COG6: variants seen among roughly 807,000 people sequenced by gnomAD.
The protein encoded by COG6 is component of oligomeric golgi complex 6, also known as conserved oligomeric Golgi complex subunit 6.
In COG6, 74 loss-of-function variants were observed where a neutral mutation model predicts 88.8. That is an observed-to-expected ratio of 0.83 (90% CI 0.69 to 1.01). The LOEUF (loss-of-function observed/expected upper bound fraction) is 1.01. Among genes scored for constraint, COG6 ranks in the 50% least tolerant of loss-of-function variants. The pLI is 0.00. For synonymous variants in COG6, 286 were observed against 278.7 expected (o/e 1.03, Z -0.26); for missense variants, 800 against 797.9 (o/e 1.00, Z -0.03).
intron 18 of COG6, among the ~76,000 whole-genome samples, chr13:39,765,008 TTA>T (rs1342333695): frequency 6.6e-5 from 10 of 152,186 alleles, no homozygotes; most frequent in Admixed American, 6.5e-4. Context: ...AGTTTTTGCT[TTA>T]TATGTTTTTA....
chr13:39,787,416 A>G (rs1881808502), intron 18 of COG6, among the ~76,000 whole-genome samples: 1 of 151,800 alleles, frequency 6.6e-6, no homozygotes, highest in Admixed American at 6.6e-5. Context: ...GTATTAACTC[A>G]CCCTACAACC....
chr13:39,785,163 G>T (rs1222117367), intron 18 of COG6, among the ~76,000 whole-genome samples: 1 of 152,186 alleles, frequency 6.6e-6, no homozygotes, highest in Admixed American at 6.5e-5. Flanking sequence ...AGCAATGAAG[G>T]TCATCAAAAG....
intron 13 of COG6, among the ~76,000 whole-genome samples, chr13:39,717,421 T>C (rs980593730): frequency 6.6e-5 from 10 of 152,154 alleles, no homozygotes; most frequent in African/African-American, 2.2e-4. Flanking sequence ...GTTCTTTCCT[T>C]CTGGGCTTCC....
intron 13 of COG6, among the ~76,000 whole-genome samples, chr13:39,706,279 T>TATATATATATATATATA (rs1877917992): frequency 3.9e-5 from 2 of 51,298 alleles, no homozygotes; most frequent in African/African-American, 1.2e-4. Context: ...ATATATATAT[T>TATATATATATATATATA]TAAATATATA....
chr13:39,707,191 A>G (rs896497482), intron 13 of COG6, among the ~76,000 whole-genome samples: 2 of 150,368 alleles, frequency 1.3e-5, no homozygotes, highest in African/African-American at 2.4e-5. Flanking sequence ...GTAATGCACA[A>G]TCTCTCTGCT....
intron 1 of COG6, among the ~76,000 whole-genome samples, chr13:39,658,847 T>G (rs1036914168): frequency 1.3e-5 from 2 of 152,216 alleles, no homozygotes; most frequent in African/African-American, 4.8e-5. Flanking sequence ...GCCTGGAGGA[T>G]TCCAGTACTT....
chr13:39,754,554 T>G (rs1880771801), downstream of COG6, among the ~76,000 whole-genome samples: 1 of 152,210 alleles, frequency 6.6e-6, no homozygotes, highest in African/African-American at 2.4e-5. Flanking sequence ...ATTTTTCATA[T>G]ATGTTACATA....
At chr13:39,746,175 A>G (rs1880339941) in intron 18 of COG6, among the ~76,000 whole-genome samples, 2 of 151,954 alleles carry the variant, frequency 1.3e-5, no homozygotes, top group African/African-American at 4.8e-5. Flanking sequence ...TGGCACGTGT[A>G]TACCTATGTA....
chr13:39,694,944 C>A (rs1877182782), intron 12 of COG6, among the ~76,000 whole-genome samples: 1 of 131,594 alleles, frequency 7.6e-6, no homozygotes, highest in African/African-American at 2.9e-5. Flanking sequence ...TTTCTCCAAG[C>A]TTAACTACAC....
intron 13 of COG6, among the ~76,000 whole-genome samples, chr13:39,709,177 A>G (rs1263477731): frequency 6.6e-6 from 1 of 152,208 alleles, no homozygotes; most frequent in Non-Finnish European, 1.5e-5. Context: ...AACCTGCCCT[A>G]GGTCACATAG....
chr13:39,710,251 T>G (rs1478746142), intron 13 of COG6, among the ~76,000 whole-genome samples: 1 of 152,164 alleles, frequency 6.6e-6, no homozygotes, highest in African/African-American at 2.4e-5. Context: ...TTTTGATGCT[T>G]TTGAAACTTA....
chr13:39,694,078 T>C (rs978621364), intron 11 of COG6, among the ~76,000 whole-genome samples: 12 of 151,860 alleles, frequency 7.9e-5, no homozygotes, highest in Non-Finnish European at 1.2e-4. Flanking sequence ...TCCTAAATCT[T>C]GAGGCAAATC....
At chr13:39,761,655 C>A (rs1881018683) in intron 18 of COG6, among the ~76,000 whole-genome samples, 1 of 151,278 alleles carries the variant, frequency 6.6e-6, no homozygotes, top group Non-Finnish European at 1.5e-5. Flanking sequence ...TTAGAACATA[C>A]AAGGACCTCA....
At chr13:39,728,040 C>T (rs773394334) in intron 18 of COG6, among the ~76,000 whole-genome samples, 19 of 151,854 alleles carry the variant, frequency 1.3e-4, no homozygotes, top group South Asian at 4.2e-4. Flanking sequence ...TTAGAAGAAG[C>T]GGAGAGATTA....
Position 39,742,452 on chromosome 13 carries a change from T to A in COG6, c.1827-8494T>A, listed in dbSNP as rs573605072. On this transcript the variant is annotated intron_variant, in intron 18 of 18. Coordinates refer to ENST00000455146, the MANE Select transcript of COG6 (RefSeq NM_020751.3). Reference sequence around the variant, plus strand: ...AAACAAAAAAAGGCAGGGGTTGCAATCCTAGTCTCTGATAGAACAGACTTT... The same window carrying A: ...AAACAAAAAAAGGCAGGGGTTGCAAACCTAGTCTCTGATAGAACAGACTTT... Among the ~76,000 whole-genome samples the A allele has an allele frequency of 2.4e-3, 369 of 152,060 alleles. 1 individual carries two copies. The highest frequency in any genetic ancestry group is 0.016 in the South Asian group (76 of 4,800).
At chr13:39,782,638 C>T (rs1322993957) in intron 18 of COG6, among the ~76,000 whole-genome samples, 3 of 152,116 alleles carry the variant, frequency 2.0e-5, no homozygotes, top group Non-Finnish European at 4.4e-5. Context: ...TACACCTGTC[C>T]TTGAACATGA....
chr13:39,727,851 A>G (rs1408675443), intron 18 of COG6, among the ~76,000 whole-genome samples: 2 of 152,132 alleles, frequency 1.3e-5, no homozygotes, highest in Non-Finnish European at 2.9e-5. Context: ...ACATGTCAGA[A>G]TAATGTTGAA....
intron 18 of COG6, among the ~76,000 whole-genome samples, chr13:39,741,073 A>G (rs1880016564): frequency 6.6e-6 from 1 of 152,218 alleles, no homozygotes; most frequent in African/African-American, 2.4e-5. Context: ...TGATTTTTGG[A>G]AGTAAGCAGT....
intron 18 of COG6, among the ~76,000 whole-genome samples, chr13:39,734,030 GT>G (rs1300135491): frequency 1.3e-5 from 2 of 151,934 alleles, no homozygotes; most frequent in Non-Finnish European, 2.9e-5. Context: ...CTAGCTAAAG[GT>G]TTGTCAATTT....
Sources: allele counts gnomAD v4.1 joint callset (sites outside exome capture counted in the v4.1 genomes callset), GRCh38; gene constraint gnomAD v4.1.1; transcripts MANE v1.5; gene names NCBI Gene and HGNC (gene_info 2026-07-23, HGNC 2026-07-21).